Variants in ATP13A5 observed in about 807,000 individuals in gnomAD.
ATP13A5 encodes the protein probable cation-transporting ATPase 13A5.
ATP13A5 carries 149 observed loss-of-function variants against 150.2 expected under a neutral mutation model. The ratio of observed to expected loss-of-function variants is 0.99; its 90% confidence interval spans 0.87 to 1.14. The LOEUF (loss-of-function observed/expected upper bound fraction) is 1.14. Ranked by LOEUF, ATP13A5 falls within the 50% of genes most tolerant of loss-of-function variation. The pLI is 0.00. For missense variants in ATP13A5, 1,383 were observed against 1,449.3 expected (o/e 0.95, Z 0.74); for synonymous variants, 497 against 522.2 (o/e 0.95, Z 0.66).
chr3:193,361,901 T>A (rs1713018552), intron 5 of ATP13A5, among the ~76,000 whole-genome samples: 1 of 152,192 alleles, frequency 6.6e-6, no homozygotes, highest in African/African-American at 2.4e-5. Flanking sequence ...TCTAGAATTA[T>A]GTATTGAGCT....
intron 11 of ATP13A5, among the ~76,000 whole-genome samples, chr3:193,331,916 T>G (rs981605713): frequency 6.6e-6 from 1 of 152,220 alleles, no homozygotes; most frequent in Non-Finnish European, 1.5e-5. Flanking sequence ...GGCCACATAC[T>G]AGGTAAATGA....
intron 21 of ATP13A5, 57 bp downstream of exon 21, chr3:193,310,581 G>T: frequency 1.5e-6 from 2 of 1,346,578 alleles, no homozygotes; most frequent in South Asian, 2.7e-5. Context: ...CTGAATTATT[G>T]ACCCATAGGT....
At chr3:193,324,248 G>C (rs1345827066) in intron 14 of ATP13A5, among the ~76,000 whole-genome samples, 1 of 152,120 alleles carries the variant, frequency 6.6e-6, no homozygotes, top group Non-Finnish European at 1.5e-5. Flanking sequence ...GAACCAGTTG[G>C]AATGCAGTCC....
At chr3:193,306,832 GAA>G (rs983735919) in intron 22 of ATP13A5, among the ~76,000 whole-genome samples, 1 of 152,192 alleles carries the variant, frequency 6.6e-6, no homozygotes, top group African/African-American at 2.4e-5. Context: ...TTTACTGAGT[GAA>G]AGAGTTCTGG....
intron 11 of ATP13A5, among the ~76,000 whole-genome samples, chr3:193,332,856 C>T (rs769898558): frequency 1.3e-5 from 2 of 152,072 alleles, no homozygotes; most frequent in Non-Finnish European, 2.9e-5. Context: ...TTCTCAAATA[C>T]TGCCAGGGCT....
At chr3:193,339,274 T>C (rs1712022304) in intron 9 of ATP13A5, among the ~76,000 whole-genome samples, 8 of 152,196 alleles carry the variant, frequency 5.3e-5, no homozygotes, top group Admixed American at 5.2e-4. Flanking sequence ...TGCCTTCTGC[T>C]AGCTTTTGAA....
rs1718868725 is a variant in ATP13A5, at chr3:193,311,950, A to C, written c.2320-9T>G. The C allele has an allele frequency of 1.9e-6, 3 of 1,613,416 alleles. No individual in the cohort carries two copies. In the East Asian group the frequency reaches 6.7e-5, roughly 36 times the overall value. On this transcript the variant is annotated splice_polypyrimidine_tract_variant and intron_variant, in intron 19 of 29. Transcript: ENST00000342358. ...GTATGCATGTAGATTTCCTAAAATCAAAAGGGCATCATTTCTACATTGACT... is the reference window on the plus strand; with the variant it reads ...GTATGCATGTAGATTTCCTAAAATCCAAAGGGCATCATTTCTACATTGACT...
rs770785275 is a variant in ATP13A5, at chr3:193,331,137, C to T, written c.1447G>A (p.Val483Met). 27 of 1,613,536 alleles carry T rather than the reference C, an allele frequency of 1.7e-5. No homozygotes were observed. The highest frequency in any genetic ancestry group is 1.3e-4 in the East Asian group (6 of 44,878). Reference protein sequence around the residue: ...RINMCGQINLVCFDKTGTLTE... With the variant: ...RINMCGQINLMCFDKTGTLTE... ...CTGGATCATACTTTGTCAAAGCACA[C>T]GAGGTTTATTTGCCCACACATGTTG... Residue 483 changes from valine to methionine, a missense_variant, in exon 12 of 30, where the codon GTG (valine) becomes ATG (methionine). Val to Met is a conservative substitution (Grantham distance 21, BLOSUM62 1). Around this residue, in one of 3 missense-constraint regions of ATP13A5, gnomAD observed 787 missense variants for 771.9 expected, o/e 1.02. Transcript: ENST00000342358.
intron 25 of ATP13A5, among the ~76,000 whole-genome samples, chr3:193,292,579 A>G (rs1718010119): frequency 6.6e-6 from 1 of 152,158 alleles, no homozygotes; most frequent in Admixed American, 6.5e-5. Flanking sequence ...TTTGTGACTC[A>G]CAATGAGAAA....
At chr3:193,376,035 T>C (rs1560156928) in intron 1 of ATP13A5, among the ~76,000 whole-genome samples, 1 of 152,154 alleles carries the variant, frequency 6.6e-6, no homozygotes, top group Non-Finnish European at 1.5e-5. Context: ...GAAGAGCAAG[T>C]GGGGCGAGGC....
chr3:193,354,646 C>A (rs74373109), intron 5 of ATP13A5, among the ~76,000 whole-genome samples: 6,033 of 151,674 alleles, frequency 0.04, 341 homozygotes, highest in African/African-American at 0.13. Context: ...CGAATGAATA[C>A]ATATTAGTAT....
chr3:193,349,388 A>G (rs750232824), intron 7 of ATP13A5, among the ~76,000 whole-genome samples: 1 of 152,214 alleles, frequency 6.6e-6, no homozygotes, highest in Non-Finnish European at 1.5e-5. Context: ...AATTCCAGTA[A>G]GGATTTTTAA....
At chr3:193,320,877 G>A (rs1719245304) in intron 16 of ATP13A5, among the ~76,000 whole-genome samples, 1 of 152,188 alleles carries the variant, frequency 6.6e-6, no homozygotes, top group Non-Finnish European at 1.5e-5. Context: ...CTCAAAGTCT[G>A]GCCCAGAAAG....
chr3:193,279,218 A>G (rs969867480), intron 28 of ATP13A5, 148 bp downstream of exon 28: 3 of 601,668 alleles, frequency 5.0e-6, no homozygotes, highest in Middle Eastern at 5.4e-4. Context: ...TGAAATCCAG[A>G]TATCTTATTT....
intron 3 of ATP13A5, 27 bp from the exon 4 acceptor site, chr3:193,362,664 G>A (rs1396009525): frequency 3.1e-6 from 5 of 1,608,228 alleles, no homozygotes; most frequent in Non-Finnish European, 4.3e-6. Context: ...GATAGAGCAG[G>A]TGTCATTCAC....
chr3:193,331,084 G>T, intron 12 of ATP13A5, 39 bp downstream of exon 12: 1 of 1,584,754 alleles, frequency 6.3e-7, no homozygotes, highest in Non-Finnish European at 8.6e-7. Flanking sequence ...ACCATGCCTT[G>T]AAATCATTAA....
chr3:193,330,025 C>T (rs748560455), intron 12 of ATP13A5, among the ~76,000 whole-genome samples: 13 of 152,172 alleles, frequency 8.5e-5, no homozygotes, highest in Non-Finnish European at 1.3e-4. Context: ...TGCCCTCAAC[C>T]CAGCTTCATT....
At chr3:193,276,989 C>T (rs923922403) in intron 28 of ATP13A5, among the ~76,000 whole-genome samples, 159 bp from the exon 29 acceptor site, 1 of 152,148 alleles carries the variant, frequency 6.6e-6, no homozygotes, top group East Asian at 1.9e-4. Flanking sequence ...GGACTCAAAG[C>T]CTATAAATAA....
chr3:193,289,989 T>C lies in ATP13A5; in HGVS notation c.2919A>G (p.Leu973=). Residue 973 remains leucine (L), a synonymous_variant, in exon 26 of 30, where the codon TTA becomes TTG. Transcript: ENST00000342358. ...RPAGQLLSPP[L]LLSIFLNSCF... The stretch of plus-strand genomic sequence containing the variant: ...AGGAATTCAAAAATATTGAAAGCAG[T>C]AAAGGGGGAGAAAGGAGCTGTCCTG... 6.2e-7 allele frequency: 1 copy of C among 1,612,744 alleles called. No homozygotes were observed. Among genetic ancestry groups the C allele is most frequent in the Non-Finnish European group, 8.5e-7 (1 of 1,179,232 alleles).
Sources: allele counts gnomAD v4.1 joint callset (sites outside exome capture counted in the v4.1 genomes callset), GRCh38; gene constraint gnomAD v4.1.1; regional missense constraint gnomAD v4.1.1; transcripts MANE v1.5; gene names NCBI Gene and HGNC (gene_info 2026-07-23, HGNC 2026-07-21).